EXOC4: variants seen among roughly 807,000 people sequenced by gnomAD.
The protein encoded by EXOC4 is SEC8-like 1.
Under a neutral mutation model 107.2 loss-of-function variants are expected in EXOC4, and 71 were observed. The observed-to-expected ratio is 0.66, with a 90% CI of 0.55 to 0.81. EXOC4 has a LOEUF of 0.81. Ranked by LOEUF, EXOC4 falls within the 30% of genes least tolerant of loss-of-function variation. EXOC4 has a pLI of 0.00. For missense variants in EXOC4, 1,108 were observed against 1,189.6 expected (o/e 0.93, Z 1.01); for synonymous variants, 456 against 441.2 (o/e 1.03, Z -0.42).
chr7:133,573,121 G>A (rs1801058728), intron 9 of EXOC4, among the ~76,000 whole-genome samples: 1 of 152,164 alleles, frequency 6.6e-6, no homozygotes, highest in African/African-American at 2.4e-5. Flanking sequence ...GGTAATACAT[G>A]AATAGTTAGA....
chr7:133,477,101 C>A (rs1799032988), intron 8 of EXOC4, among the ~76,000 whole-genome samples: 1 of 152,146 alleles, frequency 6.6e-6, no homozygotes, highest in South Asian at 2.1e-4. Context: ...CTGCATTTTA[C>A]CCTATTTAAC....
At chr7:133,765,905 A>T (rs1796125798) in intron 10 of EXOC4, among the ~76,000 whole-genome samples, 1 of 152,014 alleles carries the variant, frequency 6.6e-6, no homozygotes, top group Non-Finnish European at 1.5e-5. Flanking sequence ...CAGATTACTT[A>T]CTACTAGGAG....
At chr7:133,281,627 A>G (rs1794145313) in intron 2 of EXOC4, among the ~76,000 whole-genome samples, 1 of 151,790 alleles carries the variant, frequency 6.6e-6, no homozygotes, top group Non-Finnish European at 1.5e-5. Context: ...ATTCTATTAC[A>G]GATAATATGC....
intron 13 of EXOC4, among the ~76,000 whole-genome samples, chr7:133,928,922 CTTTTTTTTTTT>C (rs71162044): frequency 1.2e-5 from 1 of 82,016 alleles, no homozygotes; most frequent in African/African-American, 6.0e-5. Context: ...ACAGTAGTAC[CTTTTTTTTTTT>C]TTTTTTTTTT....
intron 9 of EXOC4, among the ~76,000 whole-genome samples, chr7:133,606,586 C>T (rs1366001002): frequency 2.7e-5 from 4 of 150,942 alleles, no homozygotes; most frequent in Admixed American, 2.6e-4. Flanking sequence ...GCATTCTCGG[C>T]TCACTGAAAT....
intron 10 of EXOC4, among the ~76,000 whole-genome samples, chr7:133,681,888 C>G (rs1234666613): frequency 6.6e-6 from 1 of 151,934 alleles, no homozygotes; most frequent in Non-Finnish European, 1.5e-5. Flanking sequence ...TTATAATATT[C>G]CATAATTGGT....
chr7:133,594,760 G>C (rs1221675446), intron 9 of EXOC4, among the ~76,000 whole-genome samples: 1 of 152,076 alleles, frequency 6.6e-6, no homozygotes, highest in East Asian at 1.9e-4. Flanking sequence ...CCAGAGTGCT[G>C]GGATTACAGG....
In EXOC4 at chr7:133,578,833, G is replaced by C. The variant is rs529205639; in HGVS notation, c.1418-51212G>C. 9.9e-5 allele frequency among the ~76,000 whole-genome samples: 15 copies of C among 152,180 alleles called. 1 individual carries two copies. The South Asian group carries it at 1.7e-3, about 17-fold the overall frequency. On this transcript the variant is annotated intron_variant, in intron 9 of 17. Transcript: ENST00000253861. ...CTTGTATTGAAGCACAGGTGTTAAGGTGGTGTTGAAATTAGTCTGGAATCA... is the reference window on the plus strand; with the variant it reads ...CTTGTATTGAAGCACAGGTGTTAAGCTGGTGTTGAAATTAGTCTGGAATCA...
intron 17 of EXOC4, among the ~76,000 whole-genome samples, chr7:134,048,934 A>G (rs1795720692): frequency 7.0e-6 from 1 of 143,144 alleles, no homozygotes; most frequent in Admixed American, 7.0e-5. Context: ...TCCATCCTCC[A>G]TGCTGCAGCT....
At position 133,452,225 on chromosome 7, in the gene EXOC4, C is replaced by T. The variant is rs529483858; in HGVS notation, c.1183-23103C>T. Among the ~76,000 whole-genome samples, 58 of 152,182 alleles carry T rather than the reference C, an allele frequency of 3.8e-4. 1 individual carries two copies. Among genetic ancestry groups the T allele is most frequent in the African/African-American group, 1.4e-3 (58 of 41,508 alleles). ...GAATACAGCTTAGATTAGAAATGGT[C>T]CCTACAGCAGCATTATTAGTAAATA... On this transcript the variant is annotated intron_variant, in intron 7 of 17. Coordinates refer to ENST00000253861, the MANE Select transcript of EXOC4 (RefSeq NM_021807.4).
chr7:133,876,494 GTCT>G (rs767623546), intron 11 of EXOC4, among the ~76,000 whole-genome samples: 10 of 152,008 alleles, frequency 6.6e-5, no homozygotes, highest in East Asian at 3.9e-4. Context: ...CTTACTCATC[GTCT>G]TCTTCTTCTT....
intron 10 of EXOC4, among the ~76,000 whole-genome samples, chr7:133,699,016 ATC>A (rs1794598999): frequency 6.6e-6 from 1 of 152,234 alleles, no homozygotes; most frequent in South Asian, 2.1e-4. Flanking sequence ...ATTGTTTAGT[ATC>A]AGCATTCACT....
intron 10 of EXOC4, among the ~76,000 whole-genome samples, chr7:133,659,163 T>A (rs1215294614): frequency 5.3e-5 from 8 of 152,030 alleles, no homozygotes; most frequent in Admixed American, 5.2e-4. Context: ...GACTGTGATG[T>A]GAGGGCAGTT....
intron 9 of EXOC4, among the ~76,000 whole-genome samples, chr7:133,547,841 T>C (rs1265137486): frequency 6.6e-6 from 1 of 152,162 alleles, no homozygotes; most frequent in Non-Finnish European, 1.5e-5. Context: ...CTCTGAATCA[T>C]CGATGAGGTT....
At chr7:133,360,748 A>G (rs1482945298) in intron 6 of EXOC4, among the ~76,000 whole-genome samples, 3 of 152,212 alleles carry the variant, frequency 2.0e-5, no homozygotes, top group Non-Finnish European at 4.4e-5. Flanking sequence ...ACCTCAAGTT[A>G]TAGTGAAAAT....
intron 14 of EXOC4, among the ~76,000 whole-genome samples, chr7:133,965,161 A>T (rs184333122): frequency 6.6e-6 from 1 of 152,206 alleles, no homozygotes; most frequent in East Asian, 1.9e-4. Context: ...TCCTTCACCC[A>T]CATTTTGTTG....
chr7:133,991,547 C>T (rs563695298), intron 14 of EXOC4, among the ~76,000 whole-genome samples: 1 of 152,218 alleles, frequency 6.6e-6, no homozygotes, highest in East Asian at 1.9e-4. Flanking sequence ...TGTAGCATTT[C>T]CCCAATGCTT....
At chr7:133,820,029 C>CT (rs2151219442) in intron 11 of EXOC4, among the ~76,000 whole-genome samples, 1 of 152,248 alleles carries the variant, frequency 6.6e-6, no homozygotes, top group African/African-American at 2.4e-5. Context: ...AGAACTCCAG[C>CT]TTTACCTGTT....
chr7:133,449,015 T>C (rs1798282231), intron 7 of EXOC4, among the ~76,000 whole-genome samples: 1 of 152,094 alleles, frequency 6.6e-6, no homozygotes, highest in Non-Finnish European at 1.5e-5. Flanking sequence ...GGCTGAGGCA[T>C]TAGAATCGCT....
Sources: gnomAD v4.1 joint callset for allele counts (sites outside exome capture counted in the v4.1 genomes callset) on GRCh38, gnomAD v4.1.1 for gene constraint, MANE v1.5 for transcripts, NCBI Gene and HGNC (gene_info 2026-07-23, HGNC 2026-07-21) for gene names.